STAB2: variants seen among roughly 807,000 people sequenced by gnomAD.
The protein encoded by STAB2 is stabilin-2.
In STAB2, 288 loss-of-function variants were observed where a neutral mutation model predicts 338.1. The observed-to-expected ratio is 0.85, with a 90% CI of 0.77 to 0.94. STAB2 has a LOEUF of 0.94. STAB2 is among the 40% of genes least tolerant of loss of function. The pLI, the probability that STAB2 is intolerant of heterozygous loss-of-function variation, is 0.00. For missense variants in STAB2, 3,141 were observed against 3,210.1 expected (o/e 0.98, Z 0.52); for synonymous variants, 1,202 against 1,193.3 (o/e 1.01, Z -0.15).
chr12:103,613,100 G>A (rs1195556075), intron 3 of STAB2, among the ~76,000 whole-genome samples: 1 of 152,192 alleles, frequency 6.6e-6, no homozygotes, highest in African/African-American at 2.4e-5. Flanking sequence ...TGCCCCTACT[G>A]GGTGGTGCCT....
At chr12:103,749,218 T>C in intron 59 of STAB2, 62 bp downstream of exon 59, 1 of 1,498,552 alleles carries the variant, frequency 6.7e-7, no homozygotes, top group Non-Finnish European at 9.0e-7. Flanking sequence ...CCTCCTTGCC[T>C]TTCCACCTCC....
intron 68 of STAB2, 26 bp from the exon 69 acceptor site, chr12:103,766,259 GC>G (rs751955779): frequency 1.9e-6 from 3 of 1,613,820 alleles, no homozygotes; most frequent in African/African-American, 2.7e-5. Context: ...AGAATGCCCT[GC>G]CCCCTTACAA....
intron 31 of STAB2, 140 bp downstream of exon 31, chr12:103,693,029 T>C: frequency 3.5e-6 from 2 of 570,702 alleles, no homozygotes; most frequent in Non-Finnish European, 6.0e-6. Flanking sequence ...ATGACTTTTA[T>C]TTTAAAACCA....
At chr12:103,718,335 C>G (rs1033555645) in intron 44 of STAB2, among the ~76,000 whole-genome samples, 1 of 151,548 alleles carries the variant, frequency 6.6e-6, no homozygotes, top group Admixed American at 6.6e-5. Context: ...ATTCTACTCT[C>G]ACCCCACAAC....
chr12:103,675,350 T>C (rs1876238192), intron 23 of STAB2, among the ~76,000 whole-genome samples: 1 of 152,164 alleles, frequency 6.6e-6, no homozygotes, highest in Non-Finnish European at 1.5e-5. Flanking sequence ...GAAGAGGCAC[T>C]TGAAAATGTG....
At chr12:103,629,556 T>C (rs1957428717) in intron 5 of STAB2, among the ~76,000 whole-genome samples, 1 of 152,150 alleles carries the variant, frequency 6.6e-6, no homozygotes, top group South Asian at 2.1e-4. Flanking sequence ...TGGAGACCAC[T>C]GAGATGGCAA....
At chr12:103,703,474 G>A (rs1258070993) in intron 35 of STAB2, among the ~76,000 whole-genome samples, 198 bp downstream of exon 35, 1 of 152,222 alleles carries the variant, frequency 6.6e-6, no homozygotes, top group African/African-American at 2.4e-5. Flanking sequence ...CCTGCCCTCA[G>A]TGGGCTTGTG....
intron 38 of STAB2, among the ~76,000 whole-genome samples, chr12:103,708,046 A>G (rs1478648770): frequency 6.6e-6 from 1 of 152,184 alleles, no homozygotes; most frequent in Admixed American, 6.5e-5. Context: ...CACCAGGCTT[A>G]TACAAACCCA....
At chr12:103,685,469 T>TGC (rs1555238766) in intron 27 of STAB2, among the ~76,000 whole-genome samples, 41 of 140,810 alleles carry the variant, frequency 2.9e-4, no homozygotes, top group East Asian at 7.4e-4. Flanking sequence ...TGCGTGTGTG[T>TGC]GTGCGTGCGC....
chr12:103,755,461 A>G lies in STAB2; in HGVS notation c.6874A>G (p.Met2292Val). ...SEMWDVFCYR[M>V]KDVNCTCKVG... is the part of the protein sequence containing the mutation. ...AATGTGGGATGTCTTCTGCTATCGG[A>G]TGAAAGGTAACCGCCCCAGCTACAC... is the stretch of plus-strand genomic sequence containing the variant. Residue 2292 changes from methionine to valine, a missense_variant, in exon 62 of 69, where the codon ATG becomes GTG. Met to Val is a conservative substitution (Grantham distance 21). Transcript: ENST00000388887. The G allele has an allele frequency of 1.2e-6, 2 of 1,613,786 alleles. No individual in the cohort carries two copies. The highest frequency in any genetic ancestry group is 1.7e-6 in the Non-Finnish European group (2 of 1,179,814).
intron 39 of STAB2, 130 bp from the exon 40 acceptor site, chr12:103,711,341 T>C: frequency 8.2e-7 from 1 of 1,222,950 alleles, no homozygotes; most frequent in Non-Finnish European, 1.2e-6. Flanking sequence ...TGACATGACC[T>C]CATAGTTTTA....
chr12:103,749,835 G>A (rs1883444116), intron 59 of STAB2, among the ~76,000 whole-genome samples: 1 of 53,734 alleles, frequency 1.9e-5, no homozygotes. Context: ...GCAAGACTCT[G>A]TCTCACAAAA....
rs752953089 is a variant in STAB2, at chr12:103,652,675, A to G, written c.1377A>G (p.Gly459=). Residue 459 remains glycine (G), a synonymous_variant, in exon 12 of 69, where the codon GGA becomes GGG. Transcript: ENST00000388887. Reference sequence around the variant, plus strand: ...CAGACATGTTCTACACCTTGACTGGAAAGTCGGGGGAAATCTTCAACAGCG... The same window carrying G: ...CAGACATGTTCTACACCTTGACTGGGAAGTCGGGGGAAATCTTCAACAGCG... ...NNTDMFYTLT[G]KSGEIFNSDK... The G allele has an allele frequency of 2.8e-5, 45 of 1,602,066 alleles. No homozygotes were observed. The South Asian group carries it at 4.0e-4, about 14-fold the overall frequency.
At chr12:103,598,025 G>C (rs1015087615) in intron 3 of STAB2, among the ~76,000 whole-genome samples, 1 of 151,454 alleles carries the variant, frequency 6.6e-6, no homozygotes, top group Non-Finnish European at 1.5e-5. Flanking sequence ...CATTTTTCTT[G>C]CCATTCACTA....
chr12:103,756,996 AATATATATATATATATAT>A (rs869105400), intron 63 of STAB2, among the ~76,000 whole-genome samples: 2 of 56,382 alleles, frequency 3.5e-5, no homozygotes, highest in Non-Finnish European at 6.3e-5. Context: ...AAGGAGGGAA[AATATATATATATATATAT>A]ATATATATAT....
chr12:103,701,136 CAAT>C (rs1040988996), intron 34 of STAB2, among the ~76,000 whole-genome samples: 12 of 151,380 alleles, frequency 7.9e-5, no homozygotes, highest in African/African-American at 2.2e-4. Context: ...AGTTTACTGA[CAAT>C]GATGATTTCC....
intron 30 of STAB2, 144 bp downstream of exon 30, chr12:103,690,682 G>A: frequency 1.5e-6 from 1 of 647,726 alleles, no homozygotes; most frequent in Non-Finnish European, 2.7e-6. Context: ...TCACCCAGCT[G>A]CAATAATTAT....
At chr12:103,589,661 AAAGG>A (rs1956766398) in intron 1 of STAB2, among the ~76,000 whole-genome samples, 1 of 152,234 alleles carries the variant, frequency 6.6e-6, no homozygotes, top group Non-Finnish European at 1.5e-5. Flanking sequence ...GAAGTTGAGA[AAAGG>A]AAGAAAAATG....
chr12:103,688,978 A>T (rs1286165801), intron 28 of STAB2, among the ~76,000 whole-genome samples: 1 of 151,168 alleles, frequency 6.6e-6, no homozygotes, highest in Non-Finnish European at 1.5e-5. Context: ...TACGCCATAG[A>T]AATCAGTAAA....
Sources: gnomAD v4.1 joint callset for allele counts (sites outside exome capture counted in the v4.1 genomes callset) on GRCh38, gnomAD v4.1.1 for gene constraint, MANE v1.5 for transcripts, NCBI Gene and HGNC (gene_info 2026-07-23, HGNC 2026-07-21) for gene names.